AGO3: variants seen among roughly 807,000 people sequenced by gnomAD.
The protein encoded by AGO3 is argonaute RISC catalytic component 3.
A neutral mutation model predicts 105.5 loss-of-function variants in AGO3; 16 were observed. The ratio of observed to expected loss-of-function variants is 0.15; its 90% confidence interval spans 0.10 to 0.23. The LOEUF is 0.23. Among genes scored for constraint, AGO3 ranks in the 10% least tolerant of loss-of-function variants. AGO3 has a pLI of 1.00. For missense variants in AGO3, 534 were observed against 1,088.0 expected, an observed-to-expected ratio of 0.49 and a Z score of 7.16; for synonymous variants, 340 against 367.3, an observed-to-expected ratio of 0.93 and a Z score of 0.85.
intron 1 of AGO3, among the ~76,000 whole-genome samples, chr1:35,944,507 G>T (rs1646322245): frequency 6.8e-6 from 1 of 146,520 alleles, no homozygotes; most frequent in South Asian, 2.2e-4. Flanking sequence ...CTTTTTAAAA[G>T]AAATCAGTGT....
intron 1 of AGO3, among the ~76,000 whole-genome samples, chr1:35,937,978 TTC>T (rs1281206548): frequency 1.3e-4 from 19 of 151,106 alleles, no homozygotes; most frequent in African/African-American, 3.9e-4. Context: ...CAAAAATGTA[TTC>T]TTTTTTTTTT....
intron 5 of AGO3, among the ~76,000 whole-genome samples, chr1:35,975,895 A>C (rs1289247708): frequency 1.3e-5 from 2 of 151,782 alleles, no homozygotes; most frequent in Non-Finnish European, 2.9e-5. Flanking sequence ...AGAGATCTTA[A>C]AGCTTCACAT....
chr1:35,983,420 A>AG (rs1647094702), intron 5 of AGO3: 1 of 151,390 alleles, frequency 6.6e-6, no homozygotes, highest in African/African-American at 2.4e-5. Flanking sequence ...AAAAAAAAAA[A>AG]AAAAAAAAAG....
Position 36,008,516 on chromosome 1 carries a change from G to A in AGO3, c.794-174G>A, listed in dbSNP as rs1036031822. The stretch of plus-strand genomic sequence containing the variant: ...TTTTGCCATTAGGTCTGTCATGACT[G>A]TGACCATTATTAGCAATGTTATATG... On this transcript the variant is annotated intron_variant, in intron 6 of 18. Transcript: ENST00000373191. This position sits in a 1 kb window ranked among gnomAD's most constrained non-coding sequence, Gnocchi z 5.1. Among the ~76,000 whole-genome samples the A allele has an allele frequency of 1.3e-5, 2 of 152,162 alleles. No homozygotes were observed. Among genetic ancestry groups the A allele is most frequent in the Non-Finnish European group, 1.5e-5 (1 of 68,024 alleles).
chr1:35,966,493 G>T (rs1483313801), intron 2 of AGO3, among the ~76,000 whole-genome samples: 2 of 152,156 alleles, frequency 1.3e-5, no homozygotes, highest in Non-Finnish European at 2.9e-5. Flanking sequence ...AGGAACACAG[G>T]TATGTTTGCT....
At chr1:35,945,212 TC>T (rs1244023638) in intron 1 of AGO3, among the ~76,000 whole-genome samples, 2 of 136,108 alleles carry the variant, frequency 1.5e-5, no homozygotes, top group African/African-American at 6.3e-5. Flanking sequence ...TCTTTTCTTT[TC>T]TTTTTTTTTT....
intron 6 of AGO3, chr1:36,005,812 C>T (rs1204010341): frequency 1.1e-5 from 11 of 985,012 alleles, no homozygotes; most frequent in Non-Finnish European, 1.3e-5. Context: ...AAAGAAATGA[C>T]TGAAAAAATG....
At chr1:35,939,061 T>C (rs556169234) in intron 1 of AGO3, among the ~76,000 whole-genome samples, 1 of 152,318 alleles carries the variant, frequency 6.6e-6, no homozygotes, top group Admixed American at 6.5e-5. Flanking sequence ...AAAGTCCAGA[T>C]AGTGCTTTGT....
At chr1:35,946,513 C>G (rs1381969035) in intron 2 of AGO3, among the ~76,000 whole-genome samples, 1 of 152,138 alleles carries the variant, frequency 6.6e-6, no homozygotes, top group African/African-American at 2.4e-5. Flanking sequence ...AAAGACAACA[C>G]ATTTTAAAAA....
chr1:35,993,320 C>G (rs1647862637), intron 5 of AGO3, among the ~76,000 whole-genome samples: 1 of 151,758 alleles, frequency 6.6e-6, no homozygotes, highest in South Asian at 2.1e-4. Flanking sequence ...TACAGAATAT[C>G]AATGAAGCCA....
intron 2 of AGO3, among the ~76,000 whole-genome samples, chr1:35,964,920 G>A (rs1646745525): frequency 6.6e-6 from 1 of 151,288 alleles, no homozygotes; most frequent in South Asian, 2.1e-4. Flanking sequence ...CTGCATGTAT[G>A]TCTTCTTTTG....
chr1:35,970,445 T>G (rs1646844817), intron 3 of AGO3, among the ~76,000 whole-genome samples: 1 of 152,176 alleles, frequency 6.6e-6, no homozygotes, highest in African/African-American at 2.4e-5. Context: ...TCACCACTCC[T>G]TCTCATTTGC....
At chr1:36,042,676 T>G (rs1642299212) in intron 16 of AGO3, among the ~76,000 whole-genome samples, 1 of 152,068 alleles carries the variant, frequency 6.6e-6, no homozygotes, top group Admixed American at 6.6e-5. Flanking sequence ...GCGGTGGAGG[T>G]GGGTATAATA....
At chr1:35,931,609 G>T (rs897753399) in intron 1 of AGO3, among the ~76,000 whole-genome samples, 164 bp downstream of exon 1, 1 of 152,234 alleles carries the variant, frequency 6.6e-6, no homozygotes, top group African/African-American at 2.4e-5. Context: ...CCGCAGCCCA[G>T]CCCCAGTTCC....
At chr1:35,964,881 TATTG>T in intron 2 of AGO3, among the ~76,000 whole-genome samples, 1 of 152,320 alleles carries the variant, frequency 6.6e-6, no homozygotes, top group Non-Finnish European at 1.5e-5. Context: ...TGATCAATAA[TATTG>T]AGCATTTTTT....
At chr1:36,018,560 G>C (rs1641032908) in intron 11 of AGO3, among the ~76,000 whole-genome samples, 1 of 151,780 alleles carries the variant, frequency 6.6e-6, no homozygotes, top group African/African-American at 2.4e-5. Context: ...AGCCTCTTGA[G>C]TAGCTGGGAC....
intron 2 of AGO3, 52 bp from the exon 3 acceptor site, chr1:35,966,903 T>A: frequency 6.5e-7 from 1 of 1,536,772 alleles, no homozygotes; most frequent in Non-Finnish European, 8.8e-7. Flanking sequence ...GTTAATATTT[T>A]TATATTTCAT....
At chr1:35,995,927 C>T (rs1038580643) in intron 5 of AGO3, among the ~76,000 whole-genome samples, 2 of 152,184 alleles carry the variant, frequency 1.3e-5, no homozygotes, top group African/African-American at 2.4e-5. Flanking sequence ...GATGCACCCA[C>T]CTAGGCCTCC....
chr1:36,020,197 C>T (rs891605669), intron 11 of AGO3, among the ~76,000 whole-genome samples: 5 of 152,222 alleles, frequency 3.3e-5, no homozygotes, highest in African/African-American at 1.2e-4. Flanking sequence ...CCATGCTTAA[C>T]ACTGGAATTG....
Sources: gnomAD v4.1 joint callset for allele counts (sites outside exome capture counted in the v4.1 genomes callset) on GRCh38, gnomAD v4.1.1 for gene constraint, Gnocchi (gnomAD v3.1) non-coding constraint, MANE v1.5 for transcripts, NCBI Gene and HGNC (gene_info 2026-07-23, HGNC 2026-07-21) for gene names.